Variants in BMPR1B observed in about 807,000 individuals in gnomAD.
BMPR1B encodes the protein bone morphogenetic protein receptor type-1B.
BMPR1B carries 12 observed loss-of-function variants against 59.1 expected under a neutral mutation model. That is an observed-to-expected ratio of 0.20 (90% CI 0.13 to 0.33). The LOEUF (loss-of-function observed/expected upper bound fraction) is 0.33. BMPR1B is among the 10% of genes least tolerant of loss of function. The probability of loss-of-function intolerance (pLI) is 1.00; values close to 1 mark genes in which losing one functional copy is unlikely to be tolerated. For synonymous variants in BMPR1B, 237 were observed against 207.3 expected (o/e 1.14, Z -1.23); for missense variants, 550 against 610.9 (o/e 0.90, Z 1.05).
chr4:95,118,010 G>T (rs1347347), intron 6 of BMPR1B, among the ~76,000 whole-genome samples: 14 of 152,138 alleles, frequency 9.2e-5, no homozygotes, highest in Admixed American at 9.2e-4. Flanking sequence ...GGATGCAGGA[G>T]TGGCTGGTGG....
chr4:94,795,803 G>A (rs1723167942), intron 1 of BMPR1B, among the ~76,000 whole-genome samples: 1 of 152,088 alleles, frequency 6.6e-6, no homozygotes, highest in South Asian at 2.1e-4. Flanking sequence ...TACCACTCCT[G>A]AGTACACTAA....
chr4:94,989,186 C>A (rs1334071477), intron 2 of BMPR1B, among the ~76,000 whole-genome samples: 1 of 151,902 alleles, frequency 6.6e-6, no homozygotes, highest in Admixed American at 6.6e-5. Context: ...GTGAAGAGAT[C>A]GAGACCATCC....
At chr4:94,899,128 C>T (rs1727704264) in intron 2 of BMPR1B, among the ~76,000 whole-genome samples, 1 of 151,920 alleles carries the variant, frequency 6.6e-6, no homozygotes, top group Admixed American at 6.6e-5. Flanking sequence ...GGTCTAGTCT[C>T]TTCCTCTCTG....
At chr4:95,082,625 C>G (rs1401436071) in intron 3 of BMPR1B, among the ~76,000 whole-genome samples, 5 of 152,088 alleles carry the variant, frequency 3.3e-5, no homozygotes, top group African/African-American at 1.2e-4. Flanking sequence ...AAATTAAGAA[C>G]TTGCTTAAGG....
At chr4:95,006,799 A>G (rs1453035028) in intron 3 of BMPR1B, among the ~76,000 whole-genome samples, 1 of 152,060 alleles carries the variant, frequency 6.6e-6, no homozygotes. Context: ...TCGGCCTCCC[A>G]AAGTGCTAGC....
chr4:94,993,716 G>T (rs898587628), intron 2 of BMPR1B, among the ~76,000 whole-genome samples: 1 of 135,364 alleles, frequency 7.4e-6, no homozygotes, highest in East Asian at 2.1e-4. Context: ...AGCCAAGTTA[G>T]TGTCACTGCG....
intron 2 of BMPR1B, among the ~76,000 whole-genome samples, chr4:94,967,313 C>T (rs895995431): frequency 6.6e-6 from 1 of 152,122 alleles, no homozygotes; most frequent in African/African-American, 2.4e-5. Context: ...ACAACCATAG[C>T]CGTTCAGAAA....
chr4:94,925,531 AATTTGTGACTTTCACAAACTCACT>A (rs1325322871), intron 2 of BMPR1B, among the ~76,000 whole-genome samples: 2 of 152,122 alleles, frequency 1.3e-5, no homozygotes, highest in Non-Finnish European at 2.9e-5. Context: ...CAGAAGTTAA[AATTTGTGACTTTCACAAACTCACT>A]ATTTGTGAAT....
chr4:94,793,106 C>T (rs531624436), intron 1 of BMPR1B, among the ~76,000 whole-genome samples: 5 of 151,800 alleles, frequency 3.3e-5, no homozygotes, highest in Middle Eastern at 3.4e-3. Context: ...CATGCTGGTG[C>T]GCTGCACCCA....
chr4:94,971,465 G>A (rs1730789585), intron 2 of BMPR1B, among the ~76,000 whole-genome samples: 1 of 152,108 alleles, frequency 6.6e-6, no homozygotes, highest in Admixed American at 6.5e-5. Context: ...TACAATAAAA[G>A]TGTGATGGTT....
At chr4:94,928,578 G>GTT (rs1317894869) in intron 2 of BMPR1B, among the ~76,000 whole-genome samples, 118 of 141,336 alleles carry the variant, frequency 8.3e-4, no homozygotes, top group African/African-American at 3.0e-3. Context: ...AGGCTGGGTT[G>GTT]TTTTTTTTTT....
intron 1 of BMPR1B, among the ~76,000 whole-genome samples, chr4:94,868,072 A>G (rs935279528): frequency 2.7e-5 from 4 of 148,352 alleles, no homozygotes; most frequent in African/African-American, 7.5e-5. Flanking sequence ...CATGTTGCCC[A>G]GTCTAATCTA....
intron 3 of BMPR1B, among the ~76,000 whole-genome samples, chr4:95,029,537 A>G (rs1724675326): frequency 6.6e-6 from 1 of 151,854 alleles, no homozygotes; most frequent in South Asian, 2.1e-4. Flanking sequence ...TTGCTATAAT[A>G]GTCTTTGTGG....
intron 2 of BMPR1B, among the ~76,000 whole-genome samples, chr4:94,919,740 T>C (rs926818746): frequency 2.6e-5 from 4 of 152,080 alleles, no homozygotes; most frequent in African/African-American, 9.7e-5. Flanking sequence ...ATGGGCAAAG[T>C]CTATGATCCA....
Position 95,037,427 on chromosome 4 carries a change from G to A in BMPR1B, c.-18+41293G>A, listed in dbSNP as rs140570686. On this transcript the variant is annotated intron_variant, in intron 3 of 12. Transcript: ENST00000515059. ...ACATGTTTGAGAAAAGAGGTTATTG[G>A]AAAGAATCATTATCACCTATACTTG... Among the ~76,000 whole-genome samples the A allele has an allele frequency of 3.1e-4, 47 of 152,234 alleles. No individual in the cohort carries two copies. In the East Asian group the frequency reaches 8.7e-3, roughly 28 times the overall value.
chr4:95,083,037 C>CAAAAAAAAAA (rs1171888403), intron 3 of BMPR1B, among the ~76,000 whole-genome samples: 2 of 60,622 alleles, frequency 3.3e-5, no homozygotes, highest in Non-Finnish European at 5.6e-5. Flanking sequence ...TACTCTGTCT[C>CAAAAAAAAAA]AAAAAAAAAA....
At chr4:95,023,579 G>A (rs762459909) in intron 3 of BMPR1B, among the ~76,000 whole-genome samples, 31 of 151,516 alleles carry the variant, frequency 2.0e-4, no homozygotes, top group Non-Finnish European at 2.6e-4. Context: ...TAGAAATGAA[G>A]TCTTGCCATG....
chr4:94,924,124 A>G (rs886358068), intron 2 of BMPR1B, among the ~76,000 whole-genome samples: 2 of 152,100 alleles, frequency 1.3e-5, no homozygotes, highest in Admixed American at 1.3e-4. Flanking sequence ...CATCTGTATT[A>G]CCCGTATATG....
chr4:95,007,374 T>C (rs547886261), intron 3 of BMPR1B, among the ~76,000 whole-genome samples: 1 of 152,212 alleles, frequency 6.6e-6, no homozygotes, highest in Non-Finnish European at 1.5e-5. Flanking sequence ...TTTGCCTTGC[T>C]CTGCTTTTCA....
Sources: allele counts gnomAD v4.1 joint callset (sites outside exome capture counted in the v4.1 genomes callset), GRCh38; gene constraint gnomAD v4.1.1; transcripts MANE v1.5; gene names NCBI Gene and HGNC (gene_info 2026-07-23, HGNC 2026-07-21).